KCNQ2: variants seen among roughly 807,000 people sequenced by gnomAD.
KCNQ2 encodes potassium voltage-gated channel subfamily KQT member 2.
A neutral mutation model predicts 84.8 loss-of-function variants in KCNQ2; 14 were observed. That is an observed-to-expected ratio of 0.17 (90% CI 0.11 to 0.26). KCNQ2 has a LOEUF of 0.26. KCNQ2 is among the 10% of genes least tolerant of loss of function. The pLI is 1.00. For missense variants in KCNQ2, 788 were observed against 1,254.0 expected, an observed-to-expected ratio of 0.63 and a Z score of 5.61; for synonymous variants, 599 against 554.1, an observed-to-expected ratio of 1.08 and a Z score of -1.14.
chr20:63,446,656 G>T lies in KCNQ2; in HGVS notation c.387+91C>A. 2 of 1,067,378 alleles carry T rather than the reference G, an allele frequency of 1.9e-6. No homozygotes were observed. Among genetic ancestry groups the T allele is most frequent in the Admixed American group, 1.7e-5 (1 of 57,776 alleles). The allele number at this position is 1,067,378 out of a possible 1,614,324, so 66.1% of individuals were successfully genotyped here. A position where few individuals can be genotyped will look rare whatever the true frequency, so the allele number is the denominator to read the frequency against. On this transcript the variant is annotated intron_variant, in intron 2 of 16. Coordinates refer to ENST00000359125, the MANE Select transcript of KCNQ2 (RefSeq NM_172107.4). This position sits in a 1 kb window ranked among gnomAD's most constrained non-coding sequence, Gnocchi z 5.5. ...AGAGCTGGGGCTGGGGGCGTCAGAGGCCCTGTAGTAACAGGAACGGAAGAC... is the reference window on the plus strand; with the variant it reads ...AGAGCTGGGGCTGGGGGCGTCAGAGTCCCTGTAGTAACAGGAACGGAAGAC...
At chr20:63,453,019 G>A (rs1307946739) in intron 1 of KCNQ2, among the ~76,000 whole-genome samples, 2 of 152,202 alleles carry the variant, frequency 1.3e-5, no homozygotes, top group African/African-American at 2.4e-5. Context: ...TGTGGAGGCC[G>A]GGTGGGTCCA....
rs531842766 is a variant in KCNQ2, at chr20:63,416,598, C to T, written c.1302-1472G>A. On this transcript the variant is annotated intron_variant, in intron 12 of 16. Coordinates refer to ENST00000359125, the MANE Select transcript of KCNQ2 (RefSeq NM_172107.4). ...GTTGCTGGAGCCTGAAACAAGCCTTCGGGTGGGGAGGCCCCGCAGATCCCT... is the reference window on the plus strand; with the variant it reads ...GTTGCTGGAGCCTGAAACAAGCCTTTGGGTGGGGAGGCCCCGCAGATCCCT... Among the ~76,000 whole-genome samples, 25 of 152,252 alleles carry T rather than the reference C, an allele frequency of 1.6e-4. No individual in the cohort carries two copies. The East Asian group carries it at 4.6e-3, about 28-fold the overall frequency.
chr20:63,437,584 G>C (rs1454987417), intron 7 of KCNQ2, among the ~76,000 whole-genome samples: 1 of 152,228 alleles, frequency 6.6e-6, no homozygotes, highest in South Asian at 2.1e-4. Context: ...CCCCTCCTCT[G>C]TGTCAAATCT....
At chr20:63,447,867 G>A (rs565382676) in intron 1 of KCNQ2, among the ~76,000 whole-genome samples, 1 of 151,446 alleles carries the variant, frequency 6.6e-6, no homozygotes, top group South Asian at 2.1e-4. Context: ...AAAGGGCTGG[G>A]ATTACAGTCA....
At chr20:63,452,622 C>A (rs2081647023) in intron 1 of KCNQ2, among the ~76,000 whole-genome samples, 1 of 152,242 alleles carries the variant, frequency 6.6e-6, no homozygotes, top group Admixed American at 6.5e-5. Context: ...GACACAGGGG[C>A]CTCGGCCAGA....
rs966446070 is a variant in KCNQ2, at chr20:63,408,421, C to T, written c.1879G>A (p.Glu627Lys). 2 of 1,608,702 alleles carry T rather than the reference C, an allele frequency of 1.2e-6. No individual in the cohort carries two copies. The highest frequency in any genetic ancestry group is 1.7e-6 in the Non-Finnish European group (2 of 1,179,262). Residue 627 changes from glutamate (E) to lysine (K), a missense_variant, in exon 16 of 17, where the codon GAG (glutamate) becomes AAG (lysine). By Grantham distance (56) the Glu-to-Lys change is moderately conservative (BLOSUM62 1). This residue lies in a region of KCNQ2 where 378 missense variants were observed against 434.5 expected (regional missense o/e 0.87). Coordinates refer to ENST00000359125, the MANE Select transcript of KCNQ2 (RefSeq NM_172107.4). The surrounding 1 kb of genome is among the most constrained non-coding windows in gnomAD (Gnocchi z 5.0). ...CGCCCAGCCTCTCGCACCTGCTTCT[C>T]CACCTTCCCGAGCCGTCCCATCATG... Reference protein sequence around the residue: ...PSMMGRLGKVEKQVLSMEKKL... With the variant: ...PSMMGRLGKVKKQVLSMEKKL...
In KCNQ2 at chr20:63,432,350, A is replaced by C. The variant is rs373497599; in HGVS notation, c.1119-981T>G. Among the ~76,000 whole-genome samples the C allele has an allele frequency of 4.2e-3, 305 of 72,584 alleles. 1 individual carries two copies. The highest frequency in any genetic ancestry group is 0.037 in the Middle Eastern group (2 of 54). The allele number at this position is 72,584 out of a possible 152,430, so 47.6% of individuals were successfully genotyped here. On this transcript the variant is annotated intron_variant, in intron 8 of 16. Transcript: ENST00000359125. The stretch of plus-strand genomic sequence containing the variant: ...GGGAAGGCTCCACCCTCAGGGAAGG[A>C]TCCACCCACAGGGAAGGCTCCACCC...
intron 2 of KCNQ2, among the ~76,000 whole-genome samples, chr20:63,445,879 CCCTGTCTG>C (rs2081406689): frequency 8.1e-6 from 1 of 122,878 alleles, no homozygotes. Flanking sequence ...AGCTGGGGGA[CCCTGTCTG>C]AGCTGGGAGG....
intron 1 of KCNQ2, among the ~76,000 whole-genome samples, chr20:63,453,484 C>A (rs182061794): frequency 2.0e-4 from 31 of 152,332 alleles, no homozygotes; most frequent in Non-Finnish European, 3.7e-4. Context: ...CTTCTGCGGG[C>A]GATCCTCTGT....
At chr20:63,445,431 C>A in intron 2 of KCNQ2, 67 bp from the exon 3 acceptor site, 2 of 1,582,906 alleles carry the variant, frequency 1.3e-6, no homozygotes, top group African/African-American at 1.3e-5. Context: ...AGCCTGGACA[C>A]CCACAGGAGC....
At chr20:63,442,736 T>TCACCATCACCATCACCACCACCA (rs1568934132) in intron 4 of KCNQ2, among the ~76,000 whole-genome samples, 2 of 36,258 alleles carry the variant, frequency 5.5e-5, no homozygotes, top group Non-Finnish European at 1.0e-4. Context: ...CATCACCACC[T>TCACCATCACCATCACCACCACCA]CCACCATCAC....
rs192464526 is a variant in KCNQ2 at position 63,428,844 on chromosome 20, C to T, written c.1149-409G>A. Among the ~76,000 whole-genome samples the T allele has an allele frequency of 3.1e-4, 47 of 152,260 alleles. No individual in the cohort carries two copies. In the East Asian group the frequency reaches 7.3e-3, roughly 24 times the overall value. On this transcript the variant is annotated intron_variant, in intron 9 of 16. Transcript: ENST00000359125. ...GAATATATTTAGGGCCCCGGCCCCT[C>T]TCTACACAGCCACTTTCTCTGCCAA... is the stretch of plus-strand genomic sequence containing the variant.
intron 1 of KCNQ2, among the ~76,000 whole-genome samples, chr20:63,462,250 A>G (rs1446250895): frequency 3.7e-5 from 3 of 80,074 alleles, no homozygotes; most frequent in Admixed American, 1.3e-4. Context: ...GGGAGGAGGC[A>G]GCACCTACCC....
At position 63,414,600 on chromosome 20, in the gene KCNQ2, G is replaced by A. The variant is rs1215417425; in HGVS notation, c.1525+303C>T. Reference sequence around the variant, plus strand: ...GAGCAGCGGGTGCTGGGGCTGAGGCGGGGAATGGGGTGACTACTGATGGGG... The same window carrying A: ...GAGCAGCGGGTGCTGGGGCTGAGGCAGGGAATGGGGTGACTACTGATGGGG... On this transcript the variant is annotated intron_variant, in intron 13 of 16. Transcript: ENST00000359125. The surrounding 1 kb of genome is among the most constrained non-coding windows in gnomAD (Gnocchi z 6.6). Among the ~76,000 whole-genome samples the A allele has an allele frequency of 6.6e-6, 1 of 151,868 alleles. No individual in the cohort carries two copies. Among genetic ancestry groups the A allele is most frequent in the Admixed American group, 6.6e-5 (1 of 15,242 alleles).
At chr20:63,412,205 G>A (rs763000206) in intron 15 of KCNQ2, 10 of 284,634 alleles carry the variant, frequency 3.5e-5, no homozygotes, top group Admixed American at 5.1e-5. Flanking sequence ...GCGGGGCAAC[G>A]GGAAACGCAT....
In KCNQ2 at chr20:63,467,083, T is replaced by C. The variant is rs991142632; in HGVS notation, c.296+5085A>G. 5.3e-5 allele frequency among the ~76,000 whole-genome samples: 8 copies of C among 151,872 alleles called. No homozygotes were observed. The South Asian group carries it at 6.2e-4, about 12-fold the overall frequency. ...CATCCTCCCAAAACGGGCACATTGCTCCCGCCTGAGCCTTTAACAGGACAC... is the reference window on the plus strand; with the variant it reads ...CATCCTCCCAAAACGGGCACATTGCCCCCGCCTGAGCCTTTAACAGGACAC... On this transcript the variant is annotated intron_variant, in intron 1 of 16. Coordinates refer to ENST00000359125, the MANE Select transcript of KCNQ2 (RefSeq NM_172107.4).
At chr20:63,409,571 G>A (rs932800593) in intron 15 of KCNQ2, among the ~76,000 whole-genome samples, 3 of 152,232 alleles carry the variant, frequency 2.0e-5, no homozygotes, top group Admixed American at 1.3e-4. Context: ...CAAAAGCCCA[G>A]CTGGACAAGG....
At chr20:63,427,394 G>A (rs970138608) in intron 10 of KCNQ2, among the ~76,000 whole-genome samples, 4 of 152,224 alleles carry the variant, frequency 2.6e-5, no homozygotes, top group Admixed American at 6.5e-5. Context: ...GCTTGTAGGC[G>A]TTTGCCACAG....
In KCNQ2 at chr20:63,402,996, C is replaced by G. The variant is rs542731414; in HGVS notation, c.*3648G>C. The G allele has an allele frequency of 6.6e-6, 1 of 152,396 alleles. No homozygotes were observed. Among genetic ancestry groups the G allele is most frequent in the Admixed American group, 6.5e-5 (1 of 15,304 alleles). The allele number at this position is 152,396 out of a possible 1,614,324, so 9.4% of individuals were successfully genotyped here. ...AGGAAACCACAACAGGCAGCAGCAC[C>G]TGCCTGGGCTGGGGCCTGGGATTCG... On this transcript the variant is annotated 3_prime_UTR_variant, in exon 17 of 17. Coordinates refer to ENST00000359125, the MANE Select transcript of KCNQ2 (RefSeq NM_172107.4).
Sources: gnomAD v4.1 joint callset for allele counts (sites outside exome capture counted in the v4.1 genomes callset) on GRCh38, gnomAD v4.1.1 for gene constraint, gnomAD v4.1.1 regional missense constraint, Gnocchi (gnomAD v3.1) non-coding constraint, MANE v1.5 for transcripts, NCBI Gene and HGNC (gene_info 2026-07-23, HGNC 2026-07-21) for gene names.